The following GSE1 variants were observed in gnomAD, a reference collection of about 807,000 sequenced individuals.
GSE1 encodes the protein Gse1 coiled-coil protein.
In GSE1, 32 loss-of-function variants were observed where a neutral mutation model predicts 112.6. The observed-to-expected ratio is 0.28, with a 90% confidence interval of 0.21 to 0.38. The LOEUF (loss-of-function observed/expected upper bound fraction) is 0.38, where lower values mean the gene tolerates loss of function less well. Among genes scored for constraint, GSE1 ranks in the 10% least tolerant of loss-of-function variants. GSE1 has a pLI of 1.00. For missense variants in GSE1, 2,348 were observed against 1,699.2 expected, an observed-to-expected ratio of 1.38 and a Z score of -6.71; for synonymous variants, 1,115 against 735.6, an observed-to-expected ratio of 1.52 and a Z score of -8.35.
chr16:85,344,385 C>T (rs1342595196), intron 1 of GSE1, among the ~76,000 whole-genome samples: 1 of 152,210 alleles, frequency 6.6e-6, no homozygotes, highest in Non-Finnish European at 1.5e-5. Flanking sequence ...GGGTCCTGCC[C>T]GGGGAGCCTC....
rs761956785 is a variant in GSE1, at chr16:85,311,411, C to T, written c.2284-46052C>T. On this transcript the variant is annotated intron_variant, in intron 1 of 2. Coordinates refer to the GSE1 transcript ENST00000637419. This position sits in a 1 kb window ranked among gnomAD's most constrained non-coding sequence, Gnocchi z 4.2. ...AGACAGCCCAGGTCAGCAGCAGCAT[C>T]GGAGGCAACCTGCCCTCGTGGCACC... is the stretch of plus-strand genomic sequence containing the variant. Among the ~76,000 whole-genome samples the T allele has an allele frequency of 1.3e-5, 2 of 148,156 alleles. No homozygotes were observed. Among genetic ancestry groups the T allele is most frequent in the East Asian group, 2.1e-4 (1 of 4,738 alleles).
chr16:85,397,650 G>A (rs1338759160), intron 2 of GSE1, among the ~76,000 whole-genome samples: 2 of 152,184 alleles, frequency 1.3e-5, no homozygotes, highest in Admixed American at 1.3e-4. Flanking sequence ...GGAGCACCAG[G>A]GTGCGGGAGG....
chr16:85,575,406 G>C (rs114589905), intron 1 of GSE1, among the ~76,000 whole-genome samples: 2 of 152,150 alleles, frequency 1.3e-5, no homozygotes, highest in African/African-American at 4.8e-5. Context: ...TAAGGATGCC[G>C]TTAAAATACA....
chr16:85,186,326 C>T (rs149124476), intron 1 of GSE1, among the ~76,000 whole-genome samples: 5 of 151,992 alleles, frequency 3.3e-5, no homozygotes, highest in Admixed American at 6.5e-5. Context: ...AAAAATTGTC[C>T]GGGTGCGGTC....
chr16:85,640,413 C>T (rs1159823983), intron 2 of GSE1, among the ~76,000 whole-genome samples: 3 of 152,248 alleles, frequency 2.0e-5, no homozygotes, highest in Non-Finnish European at 4.4e-5. Context: ...GGCAGTGGGG[C>T]TGGAACTGCT....
intron 1 of GSE1, among the ~76,000 whole-genome samples, chr16:85,184,457 C>T (rs958893288): frequency 1.3e-5 from 2 of 152,222 alleles, no homozygotes; most frequent in African/African-American, 4.8e-5. Flanking sequence ...CTAAATTATA[C>T]TTAAGAAGGG....
chr16:85,626,205 G>T (rs1438496336), intron 1 of GSE1, among the ~76,000 whole-genome samples: 1 of 152,070 alleles, frequency 6.6e-6, no homozygotes, highest in African/African-American at 2.4e-5. Context: ...CTCTCCCCAG[G>T]GTCTCCCCGC....
rs766111515 is a variant in GSE1, at chr16:85,654,958, T to A, written c.764T>A (p.Leu255Gln). The A allele has an allele frequency of 2.5e-6, 4 of 1,607,342 alleles. No homozygotes were observed. In the East Asian group the frequency reaches 8.9e-5, roughly 36 times the overall value. ...GCAGCCTACTACCACCCCAGCTACC[T>A]GGCCCCACACCCCTTCCCCCACCCG... is the stretch of plus-strand genomic sequence containing the variant. ...TAAAYYHPSY[L>Q]APHPFPHPAF... The change falls in exon 5 of 16, where the codon CTG (leucine) becomes CAG (glutamine). Residue 255 changes from leucine (L) to glutamine (Q), a missense_variant. Leu to Gln is a moderately radical substitution (Grantham distance 113). Transcript: ENST00000253458.
chr16:85,354,307 G>T (rs1357296223), intron 1 of GSE1, among the ~76,000 whole-genome samples: 1 of 152,198 alleles, frequency 6.6e-6, no homozygotes, highest in Non-Finnish European at 1.5e-5. Flanking sequence ...TCCAGTTATT[G>T]TGTGAGCTCA....
intron 2 of GSE1, among the ~76,000 whole-genome samples, chr16:85,526,916 G>C (rs886307790): frequency 3.9e-5 from 6 of 152,210 alleles, no homozygotes; most frequent in Non-Finnish European, 5.9e-5. Flanking sequence ...ATTAAGACTT[G>C]TAAATGTAAA....
chr16:85,553,546 C>G (rs2045042647), upstream of GSE1, among the ~76,000 whole-genome samples: 1 of 151,980 alleles, frequency 6.6e-6, no homozygotes, highest in Admixed American at 6.5e-5. Flanking sequence ...GGGCGCCAGG[C>G]GGGGCGCAGC....
chr16:85,450,910 C>G (rs2049660329), intron 2 of GSE1, among the ~76,000 whole-genome samples: 1 of 151,920 alleles, frequency 6.6e-6, no homozygotes, highest in Admixed American at 6.5e-5. Context: ...CCTGTCTCTA[C>G]TAAAAATACA....
intron 1 of GSE1, among the ~76,000 whole-genome samples, chr16:85,193,092 T>G (rs561803342): frequency 6.6e-6 from 1 of 152,276 alleles, no homozygotes; most frequent in South Asian, 2.1e-4. Context: ...CTGGTTACAG[T>G]GTACCCAGCC....
intron 2 of GSE1, among the ~76,000 whole-genome samples, chr16:85,636,216 C>G (rs2049984967): frequency 6.6e-6 from 1 of 152,222 alleles, no homozygotes; most frequent in Non-Finnish European, 1.5e-5. Context: ...AACTGAATGG[C>G]AGAGGGTCGG....
chr16:85,275,438 A>G (rs1160717218), intron 1 of GSE1, among the ~76,000 whole-genome samples: 8 of 152,206 alleles, frequency 5.3e-5, no homozygotes, highest in Non-Finnish European at 1.5e-5. Context: ...AGCAAGGAGC[A>G]CCTTGGAGGA....
intron 1 of GSE1, among the ~76,000 whole-genome samples, chr16:85,248,687 C>G (rs749367635): frequency 2.6e-5 from 4 of 152,228 alleles, no homozygotes; most frequent in African/African-American, 9.6e-5. Context: ...CTTTGGGAAC[C>G]TTATCTTGGC....
chr16:85,254,085 T>A (rs1906806548), intron 1 of GSE1, among the ~76,000 whole-genome samples: 1 of 152,166 alleles, frequency 6.6e-6, no homozygotes, highest in Non-Finnish European at 1.5e-5. Flanking sequence ...ACCATCCGAT[T>A]GCCAGCCCGT....
intron 1 of GSE1, among the ~76,000 whole-genome samples, chr16:85,322,676 C>T (rs916523690): frequency 6.7e-6 from 1 of 148,710 alleles, no homozygotes; most frequent in Non-Finnish European, 1.5e-5. Flanking sequence ...AGTGCAATGG[C>T]GTGATCTTGG....
At chr16:85,492,768 C>T (rs573984784) in intron 2 of GSE1, among the ~76,000 whole-genome samples, 27 of 150,816 alleles carry the variant, frequency 1.8e-4, no homozygotes, top group African/African-American at 6.4e-4. Context: ...CACATGACCT[C>T]ACGGTGCCTT....
Sources: gnomAD v4.1 joint callset for allele counts (sites outside exome capture counted in the v4.1 genomes callset) on GRCh38, gnomAD v4.1.1 for gene constraint, Gnocchi (gnomAD v3.1) non-coding constraint, MANE v1.5 for transcripts, NCBI Gene and HGNC (gene_info 2026-07-23, HGNC 2026-07-21) for gene names.